The following DPYSL2 variants were observed in gnomAD, a reference collection of about 807,000 sequenced individuals.
DPYSL2 encodes the protein dihydropyrimidinase like 2.
In DPYSL2, 13 loss-of-function variants were observed where a neutral mutation model predicts 69.9. The observed-to-expected ratio is 0.19, with a 90% CI of 0.12 to 0.30. The LOEUF (loss-of-function observed/expected upper bound fraction) is 0.30, where lower values mean the gene tolerates loss of function less well. DPYSL2 is among the 10% of genes least tolerant of loss of function. DPYSL2 has a pLI of 1.00. For missense variants in DPYSL2, 587 were observed against 918.9 expected (o/e 0.64, Z 4.67); for synonymous variants, 326 against 359.1 (o/e 0.91, Z 1.04).
At position 26,624,914 on chromosome 8, in the gene DPYSL2, G is replaced by A. The variant is rs781576395; in HGVS notation, c.793+607G>A. On this transcript the variant is annotated intron_variant, in intron 4 of 13. Coordinates refer to ENST00000521913, the MANE Select transcript of DPYSL2 (RefSeq NM_001197293.3). This position sits in a 1 kb window ranked among gnomAD's most constrained non-coding sequence, Gnocchi z 4.7. ...TGGGACTCTTGTCAACAAGAACCTC[G>A]GGGGTTTGCGGGGAAGAGCCAGGCC... Among the ~76,000 whole-genome samples the A allele has an allele frequency of 6.6e-6, 1 of 152,098 alleles. No homozygotes were observed. The highest frequency in any genetic ancestry group is 1.5e-5 in the Non-Finnish European group (1 of 68,008).
At chr8:26,629,985 A>G (rs62493369) in intron 7 of DPYSL2, among the ~76,000 whole-genome samples, 1,958 of 111,778 alleles carry the variant, frequency 0.018, 21 homozygotes, top group East Asian at 0.097. Context: ...ACACATATAC[A>G]TACACACACG....
chr8:26,581,812 C>T (rs1386847432), intron 1 of DPYSL2, among the ~76,000 whole-genome samples, 157 bp from the exon 2 acceptor site: 1 of 152,046 alleles, frequency 6.6e-6, no homozygotes, highest in African/African-American at 2.4e-5. Context: ...AATAGGTTGC[C>T]ACATACAGGC....
At chr8:26,581,756 T>C (rs1310524000) in intron 1 of DPYSL2, among the ~76,000 whole-genome samples, 1 of 152,194 alleles carries the variant, frequency 6.6e-6, no homozygotes, top group Non-Finnish European at 1.5e-5. Context: ...ATGGTTCGTT[T>C]ATCTAGGATA....
intron 10 of DPYSL2, among the ~76,000 whole-genome samples, chr8:26,646,917 A>T (rs1405589775): frequency 6.6e-6 from 1 of 151,972 alleles, no homozygotes; most frequent in African/African-American, 2.4e-5. Flanking sequence ...TGAGAGGCCG[A>T]GGCTGCAGTG....
chr8:26,595,760 A>G (rs1275054225), intron 3 of DPYSL2, among the ~76,000 whole-genome samples: 1 of 152,132 alleles, frequency 6.6e-6, no homozygotes, highest in Non-Finnish European at 1.5e-5. Flanking sequence ...GAGGCCTGGC[A>G]GAGGGCAGAG....
At chr8:26,578,235 A>C in intron 1 of DPYSL2, 1 of 1,614,076 alleles carries the variant, frequency 6.2e-7, no homozygotes, top group South Asian at 1.1e-5. Context: ...TCTTGAAATT[A>C]ATTTTTTCCC....
Position 26,565,551 on chromosome 8 carries a change from G to T in DPYSL2, c.355-16418G>T, listed in dbSNP as rs1388447623. Among the ~76,000 whole-genome samples, 3 of 152,174 alleles carry T rather than the reference G, an allele frequency of 2.0e-5. No individual in the cohort carries two copies. The highest frequency in any genetic ancestry group is 4.4e-5 in the Non-Finnish European group (3 of 68,030). On this transcript the variant is annotated intron_variant, in intron 1 of 13. Transcript: ENST00000521913. This position sits in a 1 kb window ranked among gnomAD's most constrained non-coding sequence, Gnocchi z 4.1. The stretch of plus-strand genomic sequence containing the variant: ...TGGCTAAAGATAAGGGCAGGCCAAG[G>T]TCATGGGTCAGCAAAGTGAAGGAAC...
At chr8:26,634,668 T>C in intron 7 of DPYSL2, 112 bp from the exon 8 acceptor site, 1 of 1,570,468 alleles carries the variant, frequency 6.4e-7, no homozygotes, top group South Asian at 1.2e-5. Context: ...GGTAGGACCT[T>C]GGAGACCAGC....
rs756229425 is a variant in DPYSL2, at chr8:26,643,519, G to T, written c.1207G>T (p.Ala403Ser). 4 of 1,613,822 alleles carry T rather than the reference G, an allele frequency of 2.5e-6. No homozygotes were observed. The highest frequency in any genetic ancestry group is 8.5e-7 in the Non-Finnish European group (1 of 1,179,858). ...SHYWSKNWAK[A>S]AAFVTSPPLS... The stretch of plus-strand genomic sequence containing the variant: ...TTACTGGAGCAAGAACTGGGCCAAG[G>T]CTGCTGCCTTTGTCACCTCCCCACC... Residue 403 changes from alanine to serine, a missense_variant, in exon 9 of 14, where the codon GCT (alanine) becomes TCT (serine). Ala to Ser is a moderately conservative substitution (Grantham distance 99). This residue lies in a region of DPYSL2 where 452 missense variants were observed against 754.3 expected (regional missense o/e 0.60). Coordinates refer to ENST00000521913, the MANE Select transcript of DPYSL2 (RefSeq NM_001197293.3). This position sits in a 1 kb window ranked among gnomAD's most constrained non-coding sequence, Gnocchi z 6.5.
At position 26,627,762 on chromosome 8, in the gene DPYSL2, G is replaced by A; in HGVS notation, c.937-110G>A. On this transcript the variant is annotated intron_variant, in intron 6 of 13. Transcript: ENST00000521913. This position sits in a 1 kb window ranked among gnomAD's most constrained non-coding sequence, Gnocchi z 6.9. ...TCTTGGGATGAGGGCAGAACGATCG[G>A]CAGTGGTAATTTTCCATCTTGCCCG... The A allele has an allele frequency of 1.9e-6, 2 of 1,072,606 alleles. No homozygotes were observed. The highest frequency in any genetic ancestry group is 2.8e-6 in the Non-Finnish European group (2 of 723,906). 66.4% of individuals were successfully genotyped at this position (1,072,606 alleles called of 1,614,324 possible). A position where few individuals can be genotyped will look rare whatever the true frequency, so the allele number is the denominator to read the frequency against.
rs771471331 is a variant in DPYSL2 at position 26,569,354 on chromosome 8, C to CAAAAAAAA, written c.355-12612_355-12605dup. Among the ~76,000 whole-genome samples the CAAAAAAAA allele has an allele frequency of 1.9e-4, 10 of 52,280 alleles. 2 individuals are homozygous for CAAAAAAAA. The highest frequency in any genetic ancestry group is 2.8e-4 in the Non-Finnish European group (7 of 24,648). The allele number at this position is 52,280 out of a possible 152,430, so 34.3% of individuals were successfully genotyped here. On this transcript the variant is annotated intron_variant, in intron 1 of 13. Transcript: ENST00000521913. ...GGGTGACAGGGCAAGACCCTATCTC[C>CAAAAAAAA]AAAAAAAAAACAAAAACAAAAACAA...
At chr8:26,519,697 T>C (rs17318799) in intron 1 of DPYSL2, among the ~76,000 whole-genome samples, 51,758 of 151,956 alleles carry the variant, frequency 0.34, 10,992 homozygotes, top group East Asian at 0.67. Flanking sequence ...TAATCTAGTA[T>C]CGTATTTCTT....
intron 1 of DPYSL2, among the ~76,000 whole-genome samples, chr8:26,576,246 A>T (rs1201672922): frequency 6.6e-5 from 10 of 152,250 alleles, no homozygotes; most frequent in Non-Finnish European, 1.0e-4. Context: ...CATTCCCCTA[A>T]AGTGGCTAAG....
rs1802084048 is a variant in DPYSL2, at chr8:26,605,251, T to C, written c.629-18892T>C. ...ACATGGTTCCGGATATGTTAGCCAG[T>C]GTAATAAGATACGAAAAATAAGAAG... On this transcript the variant is annotated intron_variant, in intron 3 of 13. Coordinates refer to ENST00000521913, the MANE Select transcript of DPYSL2 (RefSeq NM_001197293.3). The surrounding 1 kb of genome is among the most constrained non-coding windows in gnomAD (Gnocchi z 4.1). Among the ~76,000 whole-genome samples, 1 of 152,108 alleles carries C rather than the reference T, an allele frequency of 6.6e-6. No individual in the cohort carries two copies. The highest frequency in any genetic ancestry group is 1.5e-5 in the Non-Finnish European group (1 of 68,008).
Position 26,655,783 on chromosome 8 carries a change from C to CA in DPYSL2, c.*77_*78insA. Reference sequence around the variant, plus strand: ...CATTCTGAGACTTCTTTCTTCCTTCCTTTTTTTTTTTTTGTTTTTTTTTTT... The same window carrying CA: ...CATTCTGAGACTTCTTTCTTCCTTCCATTTTTTTTTTTTTGTTTTTTTTTTT... On this transcript the variant is annotated 3_prime_UTR_variant, in exon 14 of 14. Transcript: ENST00000521913. 6 of 891,802 alleles carry CA rather than the reference C, an allele frequency of 6.7e-6. No individual in the cohort carries two copies. The highest frequency in any genetic ancestry group is 1.8e-5 in the African/African-American group (1 of 56,410). The allele number at this position is 891,802 out of a possible 1,614,324, so 55.2% of individuals were successfully genotyped here. A position where few individuals can be genotyped will look rare whatever the true frequency, so the allele number is the denominator to read the frequency against.
At chr8:26,537,939 C>A (rs1040683806) in intron 1 of DPYSL2, among the ~76,000 whole-genome samples, 1 of 152,138 alleles carries the variant, frequency 6.6e-6, no homozygotes, top group African/African-American at 2.4e-5. Flanking sequence ...CTCATATAAC[C>A]TTAACACTTA....
intron 1 of DPYSL2, among the ~76,000 whole-genome samples, chr8:26,578,988 G>A (rs1017629307): frequency 3.9e-5 from 6 of 152,234 alleles, no homozygotes; most frequent in South Asian, 2.1e-4. Context: ...CTGTAGTTCG[G>A]GGCTGGGGCC....
rs2129986415 is a variant in DPYSL2 at position 26,648,695 on chromosome 8, A to G, written c.1596+895A>G. On this transcript the variant is annotated intron_variant, in intron 11 of 13. Transcript: ENST00000521913. This position sits in a 1 kb window ranked among gnomAD's most constrained non-coding sequence, Gnocchi z 4.3. ...ACAGCTCAGGCCAGCAAGCACTGACACCTCCCCCACACACCACGACAGCTT... is the reference window on the plus strand; with the variant it reads ...ACAGCTCAGGCCAGCAAGCACTGACGCCTCCCCCACACACCACGACAGCTT... Among the ~76,000 whole-genome samples the G allele has an allele frequency of 6.6e-6, 1 of 152,090 alleles. No homozygotes were observed. The highest frequency in any genetic ancestry group is 2.1e-4 in the South Asian group (1 of 4,804).
intron 1 of DPYSL2, chr8:26,578,045 G>C: frequency 6.9e-7 from 1 of 1,442,248 alleles, no homozygotes; most frequent in Non-Finnish European, 9.0e-7. Context: ...CTGGGGCTGT[G>C]TTGGAGGAGA....
Sources: allele counts gnomAD v4.1 joint callset (sites outside exome capture counted in the v4.1 genomes callset), GRCh38; gene constraint gnomAD v4.1.1; regional missense constraint gnomAD v4.1.1; non-coding constraint Gnocchi (gnomAD v3.1); transcripts MANE v1.5; gene names NCBI Gene and HGNC (gene_info 2026-07-23, HGNC 2026-07-21).